Variants in OPA1 observed in about 807,000 individuals in gnomAD.
The protein encoded by OPA1 is dynamin-like GTPase OPA1, mitochondrial.
OPA1 carries 59 observed loss-of-function variants against 152.9 expected under a neutral mutation model. That is an observed-to-expected ratio of 0.39 (90% CI 0.31 to 0.48). The LOEUF (loss-of-function observed/expected upper bound fraction) is 0.48, where lower values mean the gene tolerates loss of function less well. Among genes scored for constraint, OPA1 ranks in the 20% least tolerant of loss-of-function variants. The pLI, the probability that OPA1 is intolerant of heterozygous loss-of-function variation, is 0.96. For missense variants in OPA1, 1,008 were observed against 1,216.8 expected (o/e 0.83, Z 2.55); for synonymous variants, 400 against 389.9 (o/e 1.03, Z -0.31).
In OPA1 at chr3:193,617,260, C is replaced by A. The variant is rs727504057; in HGVS notation, c.531C>A (p.Ser177Arg). ...PDFDKIVESLSLLKDFFTSGH... is the reference protein window; with the variant it reads ...PDFDKIVESLRLLKDFFTSGH... ...TTGACAAGATTGTTGAAAGCCTTAG[C>A]TTATTGAAGGACTTTTTTACCTCAG... The change falls in exon 4 of 31, where the codon AGC becomes AGA. Residue 177 changes from serine (S) to arginine (R), a missense_variant. This residue lies in a region of OPA1 where 408 missense variants were observed against 395.1 expected (regional missense o/e 1.03). Transcript: ENST00000361510. 1.9e-6 allele frequency: 3 copies of A among 1,611,476 alleles called. No individual in the cohort carries two copies. Among genetic ancestry groups the A allele is most frequent in the Non-Finnish European group, 2.5e-6 (3 of 1,177,950 alleles).
intron 24 of OPA1, 105 bp from the exon 25 acceptor site, chr3:193,659,377 A>G: frequency 6.1e-6 from 6 of 981,692 alleles, no homozygotes; most frequent in Non-Finnish European, 9.4e-6. Flanking sequence ...CTGCCTTCAT[A>G]TTGATATAGC....
intron 29 of OPA1, among the ~76,000 whole-genome samples, chr3:193,670,678 T>C (rs1717732804): frequency 6.6e-6 from 1 of 152,138 alleles, no homozygotes. Context: ...GACTGCCCTT[T>C]AAGATGAGTA....
Position 193,650,853 on chromosome 3 carries a change from C to A in OPA1, c.2012+1982C>A, listed in dbSNP as rs79313918. ...GACCAGCAATGTAGACATATCTTTT[C>A]TAGAAGGATAGCTGGCTAGCTTCAC... On this transcript the variant is annotated intron_variant, in intron 21 of 30. Coordinates refer to ENST00000361510, the MANE Select transcript of OPA1 (RefSeq NM_130837.3). Among the ~76,000 whole-genome samples the A allele has an allele frequency of 1.2e-3, 186 of 152,182 alleles. 2 individuals are homozygous for A. The East Asian group carries it at 0.032, about 27-fold the overall frequency.
chr3:193,646,780 T>C (rs1259322525), intron 18 of OPA1, among the ~76,000 whole-genome samples: 1 of 152,004 alleles, frequency 6.6e-6, no homozygotes, highest in African/African-American at 2.4e-5. Flanking sequence ...TTCAAAAAAA[T>C]AATAAAATAA....
intron 5 of OPA1, among the ~76,000 whole-genome samples, chr3:193,618,274 C>G (rs966215539): frequency 6.6e-6 from 1 of 151,850 alleles, no homozygotes; most frequent in African/African-American, 2.4e-5. Flanking sequence ...GTCAGGAGAT[C>G]GAGACCATCC....
In OPA1 at chr3:193,656,638, T is replaced by C. The variant is rs1036448045; in HGVS notation, c.2179-442T>C. The stretch of plus-strand genomic sequence containing the variant: ...AGCAGTCAGACTCATGTCTTAGAGG[T>C]TGAAATAAATAAATGAACTAACTTG... On this transcript the variant is annotated intron_variant, in intron 22 of 30. Transcript: ENST00000361510. Among the ~76,000 whole-genome samples the C allele has an allele frequency of 3.9e-5, 6 of 152,196 alleles. No homozygotes were observed. In the East Asian group the frequency reaches 1.2e-3, roughly 29 times the overall value.
chr3:193,593,912 C>A (rs1725071470), intron 1 of OPA1, among the ~76,000 whole-genome samples: 1 of 152,064 alleles, frequency 6.6e-6, no homozygotes, highest in Admixed American at 6.6e-5. Flanking sequence ...CGTCTCTTTC[C>A]CTAGCCCGCT....
intron 5 of OPA1, 136 bp from the exon 6 acceptor site, chr3:193,618,732 TA>T: frequency 1.4e-6 from 1 of 730,336 alleles, no homozygotes; most frequent in Non-Finnish European, 2.4e-6. Flanking sequence ...AAAATAAGAA[TA>T]AAGGCGATTT....
At chr3:193,611,426 A>T (rs149127815) in intron 1 of OPA1, among the ~76,000 whole-genome samples, 1 of 152,048 alleles carries the variant, frequency 6.6e-6, no homozygotes, top group Non-Finnish European at 1.5e-5. Flanking sequence ...GTGAAATCCC[A>T]TCTCTACTAA....
At chr3:193,670,374 G>T (rs558621644) in intron 29 of OPA1, among the ~76,000 whole-genome samples, 1 of 151,184 alleles carries the variant, frequency 6.6e-6, no homozygotes, top group South Asian at 2.1e-4. Context: ...TTACCTTGGA[G>T]ACTTCCCCCC....
At chr3:193,677,010 T>G (rs1232476225) in intron 29 of OPA1, among the ~76,000 whole-genome samples, 4 of 148,874 alleles carry the variant, frequency 2.7e-5, no homozygotes, top group Admixed American at 6.7e-5. Context: ...AAAAAGTCAC[T>G]GTTGAAGAAT....
chr3:193,607,112 T>A (rs1727411747), intron 1 of OPA1, among the ~76,000 whole-genome samples: 1 of 152,104 alleles, frequency 6.6e-6, no homozygotes, highest in South Asian at 2.1e-4. Flanking sequence ...GTTGATGGGG[T>A]TGTTTGTTTT....
At chr3:193,624,875 G>T (rs186898724) in intron 6 of OPA1, among the ~76,000 whole-genome samples, 150 of 151,812 alleles carry the variant, frequency 9.9e-4, no homozygotes, top group African/African-American at 3.4e-3. Context: ...AAAATATTTT[G>T]GGCAGTCATT....
At chr3:193,651,886 A>G (rs1181278489) in intron 21 of OPA1, among the ~76,000 whole-genome samples, 1 of 149,166 alleles carries the variant, frequency 6.7e-6, no homozygotes, top group East Asian at 1.9e-4. Flanking sequence ...TATATGGAGT[A>G]TAATAGTCCT....
intron 6 of OPA1, among the ~76,000 whole-genome samples, chr3:193,622,295 C>G (rs1042385908): frequency 3.0e-5 from 4 of 133,474 alleles, no homozygotes; most frequent in African/African-American, 1.2e-4. Flanking sequence ...GTGGTACGAT[C>G]TTGGCCCACT....
At chr3:193,603,217 C>T (rs1248855677) in intron 1 of OPA1, among the ~76,000 whole-genome samples, 1 of 152,204 alleles carries the variant, frequency 6.6e-6, no homozygotes, top group Non-Finnish European at 1.5e-5. Context: ...ACCAGGCGGC[C>T]GTCCGGGCCC....
intron 29 of OPA1, among the ~76,000 whole-genome samples, chr3:193,677,904 C>T (rs1172779826): frequency 1.3e-5 from 2 of 152,204 alleles, no homozygotes; most frequent in African/African-American, 2.4e-5. Context: ...GGTCGTTGCT[C>T]ATCGTGATAC....
rs745680124 is a variant in OPA1, at chr3:193,635,400, CTTA to C, written c.844-12_844-10del. 8 of 1,446,728 alleles carry C rather than the reference CTTA, an allele frequency of 5.5e-6. No homozygotes were observed. Among genetic ancestry groups the C allele is most frequent in the Admixed American group, 1.7e-5 (1 of 59,776 alleles). 89.6% of individuals were successfully genotyped at this position (1,446,728 alleles called of 1,614,324 possible). A position where few individuals can be genotyped will look rare whatever the true frequency, so the allele number is the denominator to read the frequency against. ...CCCATCTTTTGCTTATATAGTTACACTTATTATTTTATTGCAGTTGAAGTATCA... is the reference window on the plus strand; with the variant it reads ...CCCATCTTTTGCTTATATAGTTACACTTATTTTATTGCAGTTGAAGTATCA... On this transcript the variant is annotated splice_polypyrimidine_tract_variant and intron_variant, in intron 8 of 30. Transcript: ENST00000361510.
chr3:193,616,723 A>G (rs1729068764), intron 3 of OPA1, among the ~76,000 whole-genome samples: 1 of 152,246 alleles, frequency 6.6e-6, no homozygotes, highest in African/African-American at 2.4e-5. Context: ...GGTGATCTTT[A>G]AGAAATATAT....
Sources: gnomAD v4.1 joint callset for allele counts (sites outside exome capture counted in the v4.1 genomes callset) on GRCh38, gnomAD v4.1.1 for gene constraint, gnomAD v4.1.1 regional missense constraint, MANE v1.5 for transcripts, NCBI Gene and HGNC (gene_info 2026-07-23, HGNC 2026-07-21) for gene names.